SF3B3: variants seen among roughly 807,000 people sequenced by gnomAD.
SF3B3 encodes SAP 130.
In SF3B3, 33 loss-of-function variants were observed where a neutral mutation model predicts 139.2. The ratio of observed to expected loss-of-function variants is 0.24; its 90% confidence interval spans 0.18 to 0.32. SF3B3 has a LOEUF of 0.32. Ranked by LOEUF, SF3B3 falls within the 10% of genes least tolerant of loss-of-function variation. The pLI, the probability that SF3B3 is intolerant of heterozygous loss-of-function variation, is 1.00. For synonymous variants in SF3B3, 596 were observed against 563.6 expected (o/e 1.06, Z -0.81); for missense variants, 818 against 1,509.4 (o/e 0.54, Z 7.59).
intron 23 of SF3B3, 93 bp downstream of exon 23, chr16:70,569,234 G>A: frequency 1.2e-6 from 1 of 845,206 alleles, no homozygotes; most frequent in African/African-American, 1.7e-5. Flanking sequence ...ATTATTCATA[G>A]TGCACACGAC....
intron 14 of SF3B3, 94 bp downstream of exon 14, chr16:70,556,428 C>T: frequency 2.9e-6 from 4 of 1,395,474 alleles, no homozygotes; most frequent in Non-Finnish European, 4.0e-6. Context: ...TGATGTCTAT[C>T]TCTGAGATCA....
chr16:70,546,751 C>G (rs2050272198), intron 10 of SF3B3, among the ~76,000 whole-genome samples: 1 of 152,216 alleles, frequency 6.6e-6, no homozygotes, highest in Admixed American at 6.5e-5. Flanking sequence ...CTCCCCACTT[C>G]AAATCTATAG....
At chr16:70,564,685 G>A (rs780328310) in intron 18 of SF3B3, among the ~76,000 whole-genome samples, 1 of 152,170 alleles carries the variant, frequency 6.6e-6, no homozygotes, top group Non-Finnish European at 1.5e-5. Context: ...CTACAACCAC[G>A]TAGAACTGTA....
chr16:70,561,681 T>C lies in SF3B3; in HGVS notation c.2185T>C (p.Phe729Leu). The change falls in exon 17 of 26, where the codon TTC (phenylalanine) becomes CTC (leucine). Residue 729 changes from phenylalanine to leucine, a missense_variant. Physicochemically the swap from Phe to Leu is conservative, Grantham distance 22 (BLOSUM62 0). Transcript: ENST00000302516. ...GTTGAGCTATTCTTACCAATCTCGC[T>C]TCCATCTCACCCCACTGTCTTACGA... ...SWLSYSYQSR[F>L]HLTPLSYETL... The C allele has an allele frequency of 1.2e-6, 2 of 1,614,046 alleles. No homozygotes were observed. Among genetic ancestry groups the C allele is most frequent in the Non-Finnish European group, 1.7e-6 (2 of 1,179,926 alleles).
intron 9 of SF3B3, among the ~76,000 whole-genome samples, chr16:70,542,965 C>T (rs913998903): frequency 9.9e-5 from 15 of 152,166 alleles, no homozygotes; most frequent in African/African-American, 2.6e-4. Context: ...CCTCGTGATC[C>T]GCCTGCCTTG....
chr16:70,533,304 A>C (rs958654072), intron 5 of SF3B3, among the ~76,000 whole-genome samples: 17 of 152,208 alleles, frequency 1.1e-4, no homozygotes, highest in African/African-American at 3.9e-4. Context: ...ATCCTGGGAA[A>C]CAAGGTGAGA....
intron 8 of SF3B3, among the ~76,000 whole-genome samples, chr16:70,540,638 T>C (rs1273362596): frequency 6.6e-6 from 1 of 152,140 alleles, no homozygotes; most frequent in African/African-American, 2.4e-5. Context: ...CCCAATGTGC[T>C]GAGATTACAG....
rs148340519 is a variant in SF3B3 at position 70,571,766 on chromosome 16, G to A, written c.3607G>A (p.Glu1203Lys). 4 of 1,613,958 alleles carry A rather than the reference G, an allele frequency of 2.5e-6. No individual in the cohort carries two copies. Among genetic ancestry groups the A allele is most frequent in the African/African-American group, 1.3e-5 (1 of 74,964 alleles). The change falls in exon 26 of 26, where the codon GAA becomes AAA. Residue 1203 changes from glutamate to lysine, a missense_variant. This residue lies in a region of SF3B3 where 28 missense variants were observed against 59.1 expected (regional missense o/e 0.47). Transcript: ENST00000302516. ...TGAAGAACTGGACCGAACCCCACCC[G>A]AAGTGTCCAAGAAACTCGAGGATAT... Reference protein sequence around the residue: ...VSEELDRTPPEVSKKLEDIRT... With the variant: ...VSEELDRTPPKVSKKLEDIRT...
chr16:70,535,818 A>G (rs117125140), intron 6 of SF3B3, among the ~76,000 whole-genome samples: 5 of 152,034 alleles, frequency 3.3e-5, no homozygotes, highest in African/African-American at 1.2e-4. Flanking sequence ...AACAATGAAC[A>G]ATGAATTCCC....
intron 10 of SF3B3, among the ~76,000 whole-genome samples, chr16:70,546,043 G>C (rs939139888): frequency 6.6e-6 from 1 of 152,106 alleles, no homozygotes; most frequent in East Asian, 1.9e-4. Context: ...CTTCACTGTA[G>C]CCTCCAACGC....
chr16:70,543,593 AGCTACT>A (rs1163121013), intron 9 of SF3B3, among the ~76,000 whole-genome samples: 1 of 152,114 alleles, frequency 6.6e-6, no homozygotes, highest in East Asian at 1.9e-4. Context: ...TTGTAATCCC[AGCTACT>A]TGGGAGGTCG....
chr16:70,552,408 T>G (rs1038296192), intron 11 of SF3B3, among the ~76,000 whole-genome samples: 1 of 152,218 alleles, frequency 6.6e-6, no homozygotes, highest in Admixed American at 6.5e-5. Flanking sequence ...GGTTCCAAAC[T>G]TGGTGTTATG....
chr16:70,538,974 G>T, intron 7 of SF3B3, 130 bp from the exon 8 acceptor site: 1 of 692,760 alleles, frequency 1.4e-6, no homozygotes, highest in Non-Finnish European at 2.6e-6. Context: ...ACTGGCCCAT[G>T]AGCCGGAGTT....
At chr16:70,557,087 T>A (rs1413012481) in intron 15 of SF3B3, 58 bp downstream of exon 15, 1 of 1,496,098 alleles carries the variant, frequency 6.7e-7, no homozygotes, top group Non-Finnish European at 9.0e-7. Context: ...TTTCACACAC[T>A]CCTTTGTTTG....
At chr16:70,527,888 G>C (rs1185808265) in intron 2 of SF3B3, among the ~76,000 whole-genome samples, 1 of 152,082 alleles carries the variant, frequency 6.6e-6, no homozygotes, top group East Asian at 1.9e-4. Context: ...CGATTCTCCT[G>C]CCTCAGCCTC....
At chr16:70,531,044 A>C in intron 4 of SF3B3, 127 bp downstream of exon 4, 1 of 760,360 alleles carries the variant, frequency 1.3e-6, no homozygotes. Context: ...AGGCTGGCGG[A>C]TCATGAGGTC....
rs2050095021 is a variant in SF3B3, at chr16:70,529,059, G to A, written c.257G>A (p.Arg86Gln). The change falls in exon 3 of 26, where the codon CGA becomes CAA. Residue 86 changes from arginine to glutamine, a missense_variant. Physicochemically the swap from Arg to Gln is conservative, Grantham distance 43. Around this residue, in one of 14 missense-constraint regions of SF3B3, gnomAD observed 144 missense variants for 259.2 expected, o/e 0.56. Coordinates refer to ENST00000302516, the MANE Select transcript of SF3B3 (RefSeq NM_012426.5). Reference protein sequence around the residue: ...DYIVVGSDSGRIVILEYQPSK... With the variant: ...DYIVVGSDSGQIVILEYQPSK... Reference sequence around the variant, plus strand: ...ATTGTAGTTGGCAGTGACTCTGGTCGAATTGTTATTTTGGAATACCAGCCA... The same window carrying A: ...ATTGTAGTTGGCAGTGACTCTGGTCAAATTGTTATTTTGGAATACCAGCCA... 5.0e-6 allele frequency: 8 copies of A among 1,614,176 alleles called. No homozygotes were observed. The highest frequency in any genetic ancestry group is 6.8e-6 in the Non-Finnish European group (8 of 1,180,022).
chr16:70,535,280 C>A, intron 5 of SF3B3, 28 bp from the exon 6 acceptor site: 5 of 1,210,732 alleles, frequency 4.1e-6, no homozygotes, highest in South Asian at 1.4e-5. Flanking sequence ...GAGTCAAAGT[C>A]ACTGCTAAGT....
In SF3B3 at chr16:70,527,180, G is replaced by C. The variant is rs185423602; in HGVS notation, c.70+454G>C. Among the ~76,000 whole-genome samples the C allele has an allele frequency of 2.6e-5, 4 of 152,342 alleles. No homozygotes were observed. In the East Asian group the frequency reaches 5.8e-4, roughly 22 times the overall value. On this transcript the variant is annotated intron_variant, in intron 2 of 25. Coordinates refer to ENST00000302516, the MANE Select transcript of SF3B3 (RefSeq NM_012426.5). Reference sequence around the variant, plus strand: ...TGTATGAGAGAAAAGGGAAAATGCAGTTTAGGTAGGGAGTGCTGTCTGCAT... The same window carrying C: ...TGTATGAGAGAAAAGGGAAAATGCACTTTAGGTAGGGAGTGCTGTCTGCAT...
Sources: gnomAD v4.1 joint callset for allele counts (sites outside exome capture counted in the v4.1 genomes callset) on GRCh38, gnomAD v4.1.1 for gene constraint, gnomAD v4.1.1 regional missense constraint, MANE v1.5 for transcripts, NCBI Gene and HGNC (gene_info 2026-07-23, HGNC 2026-07-21) for gene names.